ARAF: variants seen among roughly 807,000 people sequenced by gnomAD.
ARAF encodes the protein serine/threonine-protein kinase A-Raf.
In ARAF, 18 loss-of-function variants were observed where a neutral mutation model predicts 48.0. That is an observed-to-expected ratio of 0.37 (90% CI 0.26 to 0.56). The LOEUF (loss-of-function observed/expected upper bound fraction) is 0.56, where lower values mean the gene tolerates loss of function less well. Ranked by LOEUF, ARAF falls within the 20% of genes least tolerant of loss-of-function variation. The pLI is 0.77. For synonymous variants in ARAF, 207 were observed against 220.1 expected (o/e 0.94, Z 0.53); for missense variants, 389 against 543.1 (o/e 0.72, Z 2.82).
chrX:47,571,142 T>TG, intron 15 of ARAF, 130 bp downstream of exon 15: 1 of 977,096 alleles, frequency 1.0e-6, no homozygotes, highest in Non-Finnish European at 1.4e-6. Context: ...TGTGTGTGTG[T>TG]TTCACCATGA....
chrX:47,562,473 G>A (rs747470700), intron 1 of ARAF, among the ~76,000 whole-genome samples: 3 of 81,032 alleles, frequency 3.7e-5, no homozygotes, highest in African/African-American at 1.4e-4. Context: ...CAACAAGAGC[G>A]AAACTCTGTC....
At position 47,569,009 on chromosome X, in the gene ARAF, A is replaced by G; in HGVS notation, c.1276A>G (p.Ile426Val). The change falls in exon 12 of 16, where the codon ATC (isoleucine) becomes GTC (valine). Residue 426 changes from isoleucine to valine, a missense_variant. Transcript: ENST00000377045. The stretch of plus-strand genomic sequence containing the variant: ...CAGCTACCTCCATGCCAAGAACATC[A>G]TCCACCGAGATCTCAAGTCTAACAG... ...GMDYLHAKNI[I>V]HRDLKSNNIF... 8.3e-7 allele frequency: 1 copy of G among 1,199,465 alleles called. No individual in the cohort carries two copies. Among genetic ancestry groups the G allele is most frequent in the Non-Finnish European group, 1.1e-6 (1 of 889,879 alleles).
chrX:47,564,745 C>T (rs1194825612), intron 3 of ARAF, 52 bp from the exon 4 acceptor site: 5 of 1,045,714 alleles, frequency 4.8e-6, no homozygotes, highest in Non-Finnish European at 6.6e-6. Flanking sequence ...TTCCCTGCCT[C>T]CCCATGGCCC....
chrX:47,566,549 C>T (rs1311918354), intron 6 of ARAF, 90 bp from the exon 7 acceptor site: 2 of 976,597 alleles, frequency 2.0e-6, no homozygotes, highest in African/African-American at 4.0e-5. Flanking sequence ...TCTGTGTGAG[C>T]CAAATGCATG....
At chrX:47,567,181 G>C (rs750651936) in intron 9 of ARAF, 49 bp from the exon 10 acceptor site, 3 of 1,208,433 alleles carry the variant, frequency 2.5e-6, no homozygotes, top group Non-Finnish European at 3.4e-6. Context: ...AGTGACGTGG[G>C]ATGAGGGATG....
At chrX:47,564,117 G>C (rs1295139457) in intron 3 of ARAF, among the ~76,000 whole-genome samples, 1 of 112,351 alleles carries the variant, frequency 8.9e-6, no homozygotes, top group African/African-American at 3.2e-5. Flanking sequence ...TGAAACCATG[G>C]AGAGTGAAAC....
rs1282777160 is a variant in ARAF at position 47,569,636 on chromosome X, C to T, written c.1398C>T (p.Pro466=). 24 of 1,207,962 alleles carry T rather than the reference C, an allele frequency of 2.0e-5. No individual in the cohort carries two copies. Among genetic ancestry groups the T allele is most frequent in the Non-Finnish European group, 2.6e-5 (23 of 894,195 alleles). The change falls in exon 13 of 16, where the codon CCC becomes CCT. Residue 466 remains proline, a synonymous_variant. Transcript: ENST00000377045. ...GCGGGGCCCAGCCCTTGGAGCAGCC[C>T]TCAGGATCTGTGCTGTGGATGGTGA... ...RWSGAQPLEQ[P]SGSVLWMAAE...
intron 4 of ARAF, 23 bp downstream of exon 4, chrX:47,564,922 G>A (rs778097437): frequency 1.9e-5 from 23 of 1,210,503 alleles, no homozygotes; most frequent in Non-Finnish European, 2.6e-5. Flanking sequence ...TGGACGGTGG[G>A]GGTGGACCAT....
At chrX:47,570,300 CCT>C (rs769785079) in intron 14 of ARAF, 1 of 288,942 alleles carries the variant, frequency 3.5e-6, no homozygotes, top group African/African-American at 2.7e-5. Context: ...CCTAGAATCC[CCT>C]GAGGCCCCCA....
chrX:47,564,592 C>T (rs765976834), intron 3 of ARAF, among the ~76,000 whole-genome samples: 156 of 112,467 alleles, frequency 1.4e-3, no homozygotes, highest in African/African-American at 4.2e-3. Context: ...GGCCCAGGGC[C>T]AGTCACTTTA....
Position 47,565,292 on chromosome X carries a change from C to A in ARAF, c.499C>A (p.Gln167Lys), listed in dbSNP as rs761480447. The A allele has an allele frequency of 1.2e-5, 15 of 1,210,046 alleles. No homozygotes were observed. In the African/African-American group the frequency reaches 2.4e-4, roughly 20 times the overall value. ...SVQDLSGGSR[Q>K]HEAPSNRPLN... ...CCAGGATTTGTCCGGAGGCTCCAGA[C>A]AGCATGAGGCTCCCTCGAACCGCCC... Residue 167 changes from glutamine (Q) to lysine (K), a missense_variant, in exon 6 of 16, where the codon CAG becomes AAG. Around this residue, in one of 4 missense-constraint regions of ARAF, gnomAD observed 154 missense variants for 133.6 expected, o/e 1.15. Transcript: ENST00000377045.
At position 47,567,066 on chromosome X, in the gene ARAF, C is replaced by T. The variant is rs923151586; in HGVS notation, c.808C>T (p.Pro270Ser). The change falls in exon 9 of 16, where the codon CCA becomes TCA. Residue 270 changes from proline (P) to serine (S), a missense_variant. By Grantham distance (74) the Pro-to-Ser change is moderately conservative (BLOSUM62 -1). This residue lies in a region of ARAF where 154 missense variants were observed against 133.6 expected (regional missense o/e 1.15). Coordinates refer to ENST00000377045, the MANE Select transcript of ARAF (RefSeq NM_001654.5). ...PASVSSGRKS[P>S]HSKSPAEQRE... ...CAGCGTGTCCTCGGGGAGGAAGTCC[C>T]CACATTCCAAGTCACCAGCAGAGCA... The T allele has an allele frequency of 8.3e-7, 1 of 1,210,447 alleles. No individual in the cohort carries two copies. The highest frequency in any genetic ancestry group is 1.7e-5 in the African/African-American group (1 of 57,261).
chrX:47,566,775 A>T lies in ARAF; in HGVS notation c.694A>T (p.Ile232Phe). Residue 232 changes from isoleucine (I) to phenylalanine (F), a missense_variant, in exon 7 of 16, where the codon ATC (isoleucine) becomes TTC (phenylalanine). By Grantham distance (21) the Ile-to-Phe change is conservative. Around this residue, in one of 4 missense-constraint regions of ARAF, gnomAD observed 154 missense variants for 133.6 expected, o/e 1.15. Coordinates refer to ENST00000377045, the MANE Select transcript of ARAF (RefSeq NM_001654.5). ...STTAPMDSNL[I>F]QLTGQSFSTD... is the part of the protein sequence containing the mutation. ...CACGGCCCCCATGGACTCCAACCTC[A>T]TCCAGGTTGGTGCTGTGGGGGACAA... is the stretch of plus-strand genomic sequence containing the variant. The T allele has an allele frequency of 2.5e-6, 3 of 1,209,556 alleles. No homozygotes were observed. The Admixed American group carries it at 6.5e-5, about 26-fold the overall frequency.
At chrX:47,563,648 C>T (rs183389918) in intron 3 of ARAF, among the ~76,000 whole-genome samples, 2 of 112,545 alleles carry the variant, frequency 1.8e-5, no homozygotes, top group African/African-American at 6.5e-5. Context: ...GGTATGACAT[C>T]AAAACTAGCA....
In ARAF at chrX:47,567,141, A is replaced by C. The variant is rs1483590550; in HGVS notation, c.873+10A>C. 33 of 1,208,098 alleles carry C rather than the reference A, an allele frequency of 2.7e-5. No individual in the cohort carries two copies. The highest frequency in any genetic ancestry group is 3.6e-5 in the Non-Finnish European group (32 of 893,974). On this transcript the variant is annotated intron_variant, in intron 9 of 15. Transcript: ENST00000377045. Reference sequence around the variant, plus strand: ...TGACAAGAAGAAAGTGGTATGCTCGAGGGGGATCCTTTTGGGGCCACCAAG... The same window carrying C: ...TGACAAGAAGAAAGTGGTATGCTCGCGGGGGATCCTTTTGGGGCCACCAAG...
At position 47,571,661 on chromosome X, in the gene ARAF, C is replaced by A; in HGVS notation, c.*204C>A. 1 of 527,295 alleles carries A rather than the reference C, an allele frequency of 1.9e-6. No individual in the cohort carries two copies. The highest frequency in any genetic ancestry group is 2.9e-6 in the Non-Finnish European group (1 of 345,041). 43.5% of individuals were successfully genotyped at this position (527,295 alleles called of 1,213,427 possible). ...CCAAAGACTGAGCCCCCTGTCTCCT[C>A]CATCATTTGGTTTCCTCTTGGCTTT... On this transcript the variant is annotated 3_prime_UTR_variant, in exon 16 of 16. Coordinates refer to ENST00000377045, the MANE Select transcript of ARAF (RefSeq NM_001654.5).
Position 47,571,050 on chromosome X carries a change from A to C in ARAF, c.1686+38A>C, listed in dbSNP as rs778786139. 1.3e-5 allele frequency: 16 copies of C among 1,192,378 alleles called. No homozygotes were observed. The Admixed American group carries it at 1.4e-4, about 10-fold the overall frequency. On this transcript the variant is annotated intron_variant, in intron 15 of 15. Coordinates refer to ENST00000377045, the MANE Select transcript of ARAF (RefSeq NM_001654.5). ...GGGGGCTGGACACCTTGGGTGGGTGACTCTGGGATAGAGGAAGACTGAGAT... is the reference window on the plus strand; with the variant it reads ...GGGGGCTGGACACCTTGGGTGGGTGCCTCTGGGATAGAGGAAGACTGAGAT...
At chrX:47,567,163 C>G in intron 9 of ARAF, 32 bp downstream of exon 9, 1 of 1,209,533 alleles carries the variant, frequency 8.3e-7, no homozygotes, top group Non-Finnish European at 1.1e-6. Context: ...TTGGGGCCAC[C>G]AAGGCTGAGT....
intron 6 of ARAF, 162 bp downstream of exon 6, chrX:47,565,512 C>T: frequency 3.5e-6 from 3 of 851,430 alleles, no homozygotes; most frequent in Non-Finnish European, 4.7e-6. Flanking sequence ...CAAGTCACCT[C>T]ATTTCTCTGG....
Sources: allele counts gnomAD v4.1 joint callset (sites outside exome capture counted in the v4.1 genomes callset), GRCh38; gene constraint gnomAD v4.1.1; regional missense constraint gnomAD v4.1.1; transcripts MANE v1.5; gene names NCBI Gene and HGNC (gene_info 2026-07-23, HGNC 2026-07-21).